The following SIPA1L3 variants were observed in gnomAD, a reference collection of about 807,000 sequenced individuals.
The protein encoded by SIPA1L3 is signal induced proliferation associated 1 like 3.
A neutral mutation model predicts 150.1 loss-of-function variants in SIPA1L3; 59 were observed. The observed-to-expected ratio is 0.39, with a 90% CI of 0.32 to 0.49. The LOEUF (loss-of-function observed/expected upper bound fraction) is 0.49. SIPA1L3 is among the 20% of genes least tolerant of loss of function. The pLI, the probability that SIPA1L3 is intolerant of heterozygous loss-of-function variation, is 0.86. For synonymous variants in SIPA1L3, 1,070 were observed against 1,077.6 expected, an observed-to-expected ratio of 0.99 and a Z score of 0.14; for missense variants, 2,211 against 2,489.5, an observed-to-expected ratio of 0.89 and a Z score of 2.38.
chr19:38,201,658 A>G (rs775110789), intron 19 of SIPA1L3, among the ~76,000 whole-genome samples: 13 of 152,208 alleles, frequency 8.5e-5, no homozygotes, highest in Non-Finnish European at 1.9e-4. Context: ...CTCGATCGGA[A>G]TCAGGATGGG....
rs773712550 is a variant in SIPA1L3 at position 38,193,647 on chromosome 19, C to T, written c.4707C>T (p.Ser1569=). The T allele has an allele frequency of 4.2e-5, 66 of 1,579,190 alleles. No homozygotes were observed. The highest frequency in any genetic ancestry group is 1.0e-4 in the Admixed American group (6 of 57,628). The part of the protein sequence containing the change: ...SPAGLEPGLP[S]DVLFTSTCAF... ...CTGGCCTAGAGCCAGGGCTGCCCAG[C>T]GACGTGCTCTTCACCAGCACCTGCG... The change falls in exon 18 of 22, where the codon AGC becomes AGT. Residue 1569 remains serine, a synonymous_variant. Coordinates refer to ENST00000222345, the MANE Select transcript of SIPA1L3 (RefSeq NM_015073.3).
At chr19:38,092,384 C>G (rs537721754) in intron 4 of SIPA1L3, among the ~76,000 whole-genome samples, 1 of 150,362 alleles carries the variant, frequency 6.7e-6, no homozygotes, top group Non-Finnish European at 1.5e-5. Flanking sequence ...AAAAAAAAAA[C>G]CCAGACTATG....
At chr19:38,154,884 C>T (rs1261020526) in intron 13 of SIPA1L3, among the ~76,000 whole-genome samples, 1 of 151,968 alleles carries the variant, frequency 6.6e-6, no homozygotes, top group Non-Finnish European at 1.5e-5. Context: ...GCCTCAGCCT[C>T]CCAAGTACCT....
At chr19:37,999,255 C>G (rs1967725144) in intron 1 of SIPA1L3, among the ~76,000 whole-genome samples, 2 of 152,164 alleles carry the variant, frequency 1.3e-5, no homozygotes, top group East Asian at 3.8e-4. Flanking sequence ...ACCAAACCCC[C>G]CAGTGACTGA....
chr19:38,198,905 T>C (rs1366708181), intron 19 of SIPA1L3, among the ~76,000 whole-genome samples: 1 of 152,068 alleles, frequency 6.6e-6, no homozygotes, highest in Non-Finnish European at 1.5e-5. Context: ...TGTGGTGAGC[T>C]GTGATCACAC....
intron 2 of SIPA1L3, among the ~76,000 whole-genome samples, chr19:38,065,170 G>A (rs1293083993): frequency 1.3e-5 from 2 of 152,188 alleles, no homozygotes; most frequent in African/African-American, 4.8e-5. Flanking sequence ...TTTCCCTGGG[G>A]AATATGTGAA....
intron 1 of SIPA1L3, chr19:37,963,894 T>G (rs2046880763): frequency 6.6e-6 from 1 of 152,216 alleles, no homozygotes; most frequent in Non-Finnish European, 1.5e-5. Flanking sequence ...GCTACATATT[T>G]CAGTCAATTT....
intron 13 of SIPA1L3, among the ~76,000 whole-genome samples, chr19:38,160,649 G>A (rs985554001): frequency 6.1e-5 from 9 of 146,430 alleles, no homozygotes; most frequent in Admixed American, 4.1e-4. Flanking sequence ...TGCTCTGCCC[G>A]CCTCGGCCTC....
intron 1 of SIPA1L3, among the ~76,000 whole-genome samples, chr19:37,955,987 G>A (rs56080901): frequency 0.27 from 40,394 of 152,136 alleles, 6,217 homozygotes; most frequent in Non-Finnish European, 0.36. Context: ...AAGTGGCTGC[G>A]CCATTTTCAT....
intron 16 of SIPA1L3, among the ~76,000 whole-genome samples, chr19:38,187,258 C>T (rs973460070): frequency 6.6e-6 from 1 of 151,880 alleles, no homozygotes; most frequent in African/African-American, 2.4e-5. Context: ...TTGAGACCAG[C>T]CTGGCCAACA....
intron 1 of SIPA1L3, among the ~76,000 whole-genome samples, chr19:37,918,871 A>AAAAT (rs56883776): frequency 0.13 from 17,515 of 140,092 alleles, 1,224 homozygotes; most frequent in Middle Eastern, 0.16. Flanking sequence ...ACTCGGTCTC[A>AAAAT]AAATAAATAA....
chr19:37,966,658 C>G (rs1223409219), intron 1 of SIPA1L3, among the ~76,000 whole-genome samples: 1 of 152,178 alleles, frequency 6.6e-6, no homozygotes, highest in Non-Finnish European at 1.5e-5. Context: ...CCACCCTCCT[C>G]CCCAGTGTTT....
intron 1 of SIPA1L3, among the ~76,000 whole-genome samples, chr19:38,007,043 C>T (rs1232471202): frequency 1.3e-5 from 2 of 152,186 alleles, no homozygotes; most frequent in African/African-American, 2.4e-5. Flanking sequence ...ACGAAAAGAA[C>T]GCGATGGCTC....
chr19:38,001,443 T>C (rs1967806789), intron 1 of SIPA1L3, among the ~76,000 whole-genome samples: 1 of 152,192 alleles, frequency 6.6e-6, no homozygotes. Context: ...AAAAAAATTC[T>C]GAGACAGGGT....
chr19:37,962,236 G>A (rs902048818), intron 1 of SIPA1L3, among the ~76,000 whole-genome samples: 5 of 148,708 alleles, frequency 3.4e-5, no homozygotes, highest in South Asian at 4.2e-4. Flanking sequence ...CTCCGCCTCC[G>A]GAGTTCAAGC....
chr19:38,106,771 T>G (rs1328963359), intron 7 of SIPA1L3, 131 bp downstream of exon 7: 1 of 653,208 alleles, frequency 1.5e-6, no homozygotes, highest in Non-Finnish European at 2.7e-6. Flanking sequence ...CTATGGTCAC[T>G]TTCCCTGGGG....
chr19:37,933,813 G>T (rs2046576635), intron 1 of SIPA1L3, among the ~76,000 whole-genome samples: 1 of 152,214 alleles, frequency 6.6e-6, no homozygotes, highest in East Asian at 1.9e-4. Context: ...GGCAGCCTGG[G>T]TGCCTGTGGC....
chr19:38,063,149 G>A (rs1257638233), intron 2 of SIPA1L3, among the ~76,000 whole-genome samples: 2 of 152,218 alleles, frequency 1.3e-5, no homozygotes, highest in Admixed American at 6.5e-5. Flanking sequence ...CCCTGGGTCA[G>A]GGGCCAGTTA....
At chr19:38,069,948 T>G (rs1296129365) in intron 2 of SIPA1L3, among the ~76,000 whole-genome samples, 1 of 151,844 alleles carries the variant, frequency 6.6e-6, no homozygotes, top group Non-Finnish European at 1.5e-5. Flanking sequence ...AGTGCTGGGA[T>G]TACAGGCACG....
Sources: gnomAD v4.1 joint callset for allele counts (sites outside exome capture counted in the v4.1 genomes callset) on GRCh38, gnomAD v4.1.1 for gene constraint, MANE v1.5 for transcripts, NCBI Gene and HGNC (gene_info 2026-07-23, HGNC 2026-07-21) for gene names.